Variants in BIRC6 observed in about 807,000 individuals in gnomAD.
BIRC6 encodes baculoviral IAP repeat containing 6, also known as dual E2 ubiquitin-conjugating enzyme/E3 ubiquitin-protein ligase BIRC6.
A neutral mutation model predicts 503.3 loss-of-function variants in BIRC6; 98 were observed. That is an observed-to-expected ratio of 0.19 (90% CI 0.17 to 0.23). BIRC6 has a LOEUF of 0.23. Among genes scored for constraint, BIRC6 ranks in the 10% least tolerant of loss-of-function variants. The probability of loss-of-function intolerance (pLI) is 1.00; values close to 1 mark genes in which losing one functional copy is unlikely to be tolerated. For synonymous variants in BIRC6, 2,240 were observed against 2,078.7 expected, an observed-to-expected ratio of 1.08 and a Z score of -2.11; for missense variants, 5,360 against 5,806.0, an observed-to-expected ratio of 0.92 and a Z score of 2.50.
intron 65 of BIRC6, among the ~76,000 whole-genome samples, chr2:32,554,180 G>C (rs1398383955): frequency 6.6e-6 from 1 of 152,154 alleles, no homozygotes; most frequent in African/African-American, 2.4e-5. Context: ...AGCATATTAA[G>C]TCTCAGCACA....
intron 65 of BIRC6, 34 bp downstream of exon 65, chr2:32,549,515 A>G: frequency 1.5e-6 from 2 of 1,335,302 alleles, no homozygotes; most frequent in African/African-American, 1.5e-5. Context: ...CTGTGGATGA[A>G]TAATTTTGTT....
intron 57 of BIRC6, among the ~76,000 whole-genome samples, chr2:32,520,701 C>T (rs373209811): frequency 4.7e-4 from 72 of 152,254 alleles, no homozygotes; most frequent in African/African-American, 1.6e-3. Context: ...CCTGTAGTCC[C>T]ACCTATCTGG....
chr2:32,504,999 C>T lies in BIRC6; in HGVS notation c.9500-6C>T. 1 of 1,609,274 alleles carries T rather than the reference C, an allele frequency of 6.2e-7. No individual in the cohort carries two copies. Among genetic ancestry groups the T allele is most frequent in the Non-Finnish European group, 8.5e-7 (1 of 1,176,568 alleles). ...TCTTATAATTTATGTAAAATATCTT[C>T]TCTAGGTACAATCACATCTAGCAGT... On this transcript the variant is annotated splice_polypyrimidine_tract_variant and splice_region_variant and intron_variant, in intron 49 of 73. Transcript: ENST00000421745.
At chr2:32,604,329 A>C (rs192779435) in intron 71 of BIRC6, among the ~76,000 whole-genome samples, 26 of 152,286 alleles carry the variant, frequency 1.7e-4, no homozygotes, top group Non-Finnish European at 2.5e-4. Context: ...CTTCATGCCA[A>C]GGGTTTACTG....
Position 32,599,991 on chromosome 2 carries a change from G to C in BIRC6, c.13992+91G>C, listed in dbSNP as rs191950791. On this transcript the variant is annotated intron_variant, in intron 70 of 73. Transcript: ENST00000421745. ...AAGAAAAATTTTGTTTTAGTTATCT[G>C]CTAAGAGGGCATGGGTTTCTTTGTA... The C allele has an allele frequency of 4.7e-5, 57 of 1,213,424 alleles. No individual in the cohort carries two copies. The East Asian group carries it at 1.2e-3, about 26-fold the overall frequency. 75.2% of individuals were successfully genotyped at this position (1,213,424 alleles called of 1,614,324 possible).
intron 48 of BIRC6, 75 bp from the exon 49 acceptor site, chr2:32,502,967 T>C: frequency 6.6e-7 from 1 of 1,513,580 alleles, no homozygotes; most frequent in Admixed American, 2.1e-5. Flanking sequence ...TTTGTAGTCT[T>C]TTGTGGAAGT....
chr2:32,534,843 A>G (rs1389145809), intron 61 of BIRC6, among the ~76,000 whole-genome samples: 1 of 151,766 alleles, frequency 6.6e-6, no homozygotes, highest in Non-Finnish European at 1.5e-5. Flanking sequence ...TCTAACTTAC[A>G]TGAATTTATA....
At position 32,445,639 on chromosome 2, in the gene BIRC6, A is replaced by G; in HGVS notation, c.4455A>G (p.Leu1485=). The change falls in exon 21 of 74, where the codon CTA becomes CTG. Residue 1485 remains leucine, a synonymous_variant. Coordinates refer to ENST00000421745, the MANE Select transcript of BIRC6 (RefSeq NM_016252.4). ...TAVSRQLQDR[L]TPMEALLQTR... Reference sequence around the variant, plus strand: ...TGTCCAGACAGTTACAGGACAGGCTAACACCAATGGAGGCTTTACTTCAGA... The same window carrying G: ...TGTCCAGACAGTTACAGGACAGGCTGACACCAATGGAGGCTTTACTTCAGA... 1 of 1,578,356 alleles carries G rather than the reference A, an allele frequency of 6.3e-7. No individual in the cohort carries two copies. The highest frequency in any genetic ancestry group is 8.6e-7 in the Non-Finnish European group (1 of 1,161,222).
chr2:32,442,409 C>T lies in BIRC6; in HGVS notation c.4192C>T (p.Arg1398Ter). The change falls in exon 19 of 74, where the codon CGA (arginine) becomes TGA (stop). Residue 1398 changes from arginine (R) to a stop codon, truncating the protein, a stop_gained. Coordinates refer to ENST00000421745, the MANE Select transcript of BIRC6 (RefSeq NM_016252.4). LOFTEE classifies it high-confidence loss of function. ...IVRVCFFEAGRSIAHKCARFL... is the reference protein window; with the variant it reads ...IVRVCFFEAG ...ACGTGTTTGCTTCTTTGAGGCAGGA[C>T]GAAGTATAGCCCATAAGTGTGCCCG... The T allele has an allele frequency of 1.2e-6, 2 of 1,610,520 alleles. No homozygotes were observed. The highest frequency in any genetic ancestry group is 1.7e-6 in the Non-Finnish European group (2 of 1,178,214).
intron 15 of BIRC6, among the ~76,000 whole-genome samples, chr2:32,437,746 T>C (rs1037983272): frequency 1.3e-5 from 2 of 152,200 alleles, no homozygotes; most frequent in Non-Finnish European, 2.9e-5. Context: ...TAGAGCATTT[T>C]GGATTTTCAG....
intron 12 of BIRC6, among the ~76,000 whole-genome samples, chr2:32,432,955 G>A (rs2044303818): frequency 6.6e-6 from 1 of 152,152 alleles, no homozygotes; most frequent in Non-Finnish European, 1.5e-5. Flanking sequence ...CAGGAATGCT[G>A]ATGGTAGCTT....
At chr2:32,500,235 G>A in intron 46 of BIRC6, 126 bp downstream of exon 46, 1 of 798,232 alleles carries the variant, frequency 1.3e-6, no homozygotes, top group Non-Finnish European at 1.9e-6. Flanking sequence ...TTTCATGACT[G>A]ATTTTTATTG....
Position 32,439,667 on chromosome 2 carries a change from C to G in BIRC6, c.3791C>G (p.Ala1264Gly). Residue 1264 changes from alanine (A) to glycine (G), a missense_variant, in exon 16 of 74, where the codon GCT (alanine) becomes GGT (glycine). This residue lies in a region of BIRC6 where 2,299 missense variants were observed against 2,267.2 expected (regional missense o/e 1.01). Transcript: ENST00000421745. ...NKGYSLASLL[A>G]KVAAGKEKSS... is the part of the protein sequence containing the mutation. ...GGTTATTCACTTGCTTCACTTTTGG[C>G]TAAAGTTGCAGCAGGCAAGGTATGA... The G allele has an allele frequency of 1.9e-6, 3 of 1,613,588 alleles. No homozygotes were observed. The highest frequency in any genetic ancestry group is 2.5e-6 in the Non-Finnish European group (3 of 1,179,730).
chr2:32,460,264 A>ATT (rs2047710208), intron 23 of BIRC6, among the ~76,000 whole-genome samples: 1 of 29,486 alleles, frequency 3.4e-5, no homozygotes, highest in Non-Finnish European at 6.3e-5. Context: ...ATATATATAT[A>ATT]TATATATATT....
intron 23 of BIRC6, among the ~76,000 whole-genome samples, chr2:32,461,406 A>G (rs2047982538): frequency 6.8e-6 from 1 of 147,208 alleles, no homozygotes; most frequent in African/African-American, 2.6e-5. Flanking sequence ...AGGTCTCACC[A>G]TGTTGACCAA....
At position 32,549,497 on chromosome 2, in the gene BIRC6, A is replaced by G; in HGVS notation, c.13144+16A>G. 5.0e-6 allele frequency: 7 copies of G among 1,391,682 alleles called. No homozygotes were observed. The highest frequency in any genetic ancestry group is 6.7e-6 in the Non-Finnish European group (7 of 1,050,594). The allele number at this position is 1,391,682 out of a possible 1,614,324, so 86.2% of individuals were successfully genotyped here. On this transcript the variant is annotated intron_variant, in intron 65 of 73. Transcript: ENST00000421745. ...AATGATTCAGGTAAATAATCCCTGT[A>G]AATGTGTCTGTGGATGAATAATTTT...
chr2:32,494,836 G>C (rs1000616445), intron 45 of BIRC6, among the ~76,000 whole-genome samples: 1 of 152,170 alleles, frequency 6.6e-6, no homozygotes, highest in Non-Finnish European at 1.5e-5. Flanking sequence ...TTGAACCAGT[G>C]AGCCCAGGAG....
At chr2:32,385,008 A>G (rs2038230528) in intron 3 of BIRC6, among the ~76,000 whole-genome samples, 1 of 152,196 alleles carries the variant, frequency 6.6e-6, no homozygotes, top group Non-Finnish European at 1.5e-5. Context: ...TCTAGCTAAC[A>G]AATTAGCAAC....
Position 32,512,979 on chromosome 2 carries a change from G to T in BIRC6, c.10393G>T (p.Ala3465Ser). 6.2e-7 allele frequency: 1 copy of T among 1,613,934 alleles called. No homozygotes were observed. Among genetic ancestry groups the T allele is most frequent in the Non-Finnish European group, 8.5e-7 (1 of 1,179,858 alleles). The change falls in exon 54 of 74, where the codon GCT (alanine) becomes TCT (serine). Residue 3465 changes from alanine (A) to serine (S), a missense_variant. Around this residue, in one of 16 missense-constraint regions of BIRC6, gnomAD observed 878 missense variants for 928.9 expected, o/e 0.95. Coordinates refer to ENST00000421745, the MANE Select transcript of BIRC6 (RefSeq NM_016252.4). Reference protein sequence around the residue: ...KWVSDSARVAAMKRSGRMNYM... With the variant: ...KWVSDSARVASMKRSGRMNYM... ...GGTTAGTGATTCTGCAAGAGTGGCT[G>T]CTATGAAGAGAAGTGGCAGGATGAA...
Sources: allele counts gnomAD v4.1 joint callset (sites outside exome capture counted in the v4.1 genomes callset), GRCh38; gene constraint gnomAD v4.1.1; regional missense constraint gnomAD v4.1.1; transcripts MANE v1.5; gene names NCBI Gene and HGNC (gene_info 2026-07-23, HGNC 2026-07-21).